RNF135: variants seen among roughly 807,000 people sequenced by gnomAD.
RNF135 encodes the protein ring finger protein 135, also known as E3 ubiquitin-protein ligase RNF135.
A neutral mutation model predicts 41.9 loss-of-function variants in RNF135; 46 were observed. The observed-to-expected ratio is 1.10, with a 90% CI of 0.87 to 1.40. RNF135 has a LOEUF of 1.40. Ranked by LOEUF, RNF135 falls within the 40% of genes most tolerant of loss-of-function variation. The pLI, the probability that RNF135 is intolerant of heterozygous loss-of-function variation, is 0.00. For missense variants in RNF135, 539 were observed against 549.8 expected (o/e 0.98, Z 0.20); for synonymous variants, 238 against 223.8 (o/e 1.06, Z -0.57).
rs1006784908 is a variant in RNF135, at chr17:30,988,081, A to G, written c.654A>G (p.Lys218=). 3 of 1,614,150 alleles carry G rather than the reference A, an allele frequency of 1.9e-6. No homozygotes were observed. The highest frequency in any genetic ancestry group is 2.5e-6 in the Non-Finnish European group (3 of 1,180,000). ...AATTACAAGAAAGCGTCACCTGGAA[A>G]GAGGCTCCTGAAGCACAAATGCAGG... is the stretch of plus-strand genomic sequence containing the variant. The part of the protein sequence containing the change: ...QEKLQESVTW[K]EAPEAQMQGE... Residue 218 remains lysine, a synonymous_variant, in exon 3 of 5, where the codon AAA becomes AAG. Coordinates refer to ENST00000328381, the MANE Select transcript of RNF135 (RefSeq NM_032322.4).
chr17:30,970,850 G>A, upstream of RNF135: 1 of 630,338 alleles, frequency 1.6e-6, no homozygotes, highest in Admixed American at 3.2e-5. Context: ...CCCAGGGCAA[G>A]AGGCCGCCAC....
chr17:30,988,105 G>A lies in RNF135; in HGVS notation c.678G>A (p.Gln226=), dbSNP rs753189553. Residue 226 remains glutamine, a splice_region_variant and synonymous_variant, in exon 3 of 5, where the codon CAG becomes CAA. Coordinates refer to ENST00000328381, the MANE Select transcript of RNF135 (RefSeq NM_032322.4). ...AAGAGGCTCCTGAAGCACAAATGCA[G>A]GGTGAGCTGATCTTATTTATTGGAG... ...TWKEAPEAQM[Q]GELLEAPSSS... is the part of the protein sequence containing the mutation. The A allele has an allele frequency of 3.7e-6, 6 of 1,613,752 alleles. No individual in the cohort carries two copies. The African/African-American group carries it at 8.0e-5, about 22-fold the overall frequency.
At chr17:30,981,878 CTTCTCATACG>C (rs1428223245) in intron 1 of RNF135, among the ~76,000 whole-genome samples, 2 of 152,234 alleles carry the variant, frequency 1.3e-5, no homozygotes, top group African/African-American at 4.8e-5. Context: ...TTCTTGTTCT[CTTCTCATACG>C]TTCTCCAAAA....
intron 1 of RNF135, chr17:30,975,377 G>C: frequency 1.3e-6 from 1 of 756,746 alleles, no homozygotes; most frequent in Non-Finnish European, 2.4e-6. Flanking sequence ...CACACATCTG[G>C]ATTAGAAGAT....
intron 1 of RNF135, among the ~76,000 whole-genome samples, chr17:30,984,183 T>G (rs1027708928): frequency 8.5e-5 from 13 of 152,344 alleles, no homozygotes; most frequent in African/African-American, 3.1e-4. Flanking sequence ...CTTTTTTCTT[T>G]TGTTGCCTGT....
intron 1 of RNF135, among the ~76,000 whole-genome samples, chr17:30,983,442 C>G (rs1907365154): frequency 6.8e-6 from 1 of 146,486 alleles, no homozygotes; most frequent in Admixed American, 7.0e-5. Context: ...CAACCTCCAT[C>G]TCCTGGGTTC....
At chr17:30,997,559 C>A in intron 4 of RNF135, 1 of 608,446 alleles carries the variant, frequency 1.6e-6, no homozygotes, top group Non-Finnish European at 3.2e-6. Context: ...CTGCTGTGGC[C>A]ACCAACTACA....
chr17:30,984,657 T>G lies in RNF135; in HGVS notation c.413T>G (p.Leu138Arg), dbSNP rs1204884039. The change falls in exon 2 of 5, where the codon CTG (leucine) becomes CGG (arginine). Residue 138 changes from leucine to arginine, a missense_variant. Transcript: ENST00000328381. ...AGCATCACAGAAGTTGCTCAGGAGC[T>G]GACAGAGCTGGTGGAACATCTTGTA... ...EKSITEVAQE[L>R]TELVEHLVDI... The G allele has an allele frequency of 6.2e-7, 1 of 1,614,136 alleles. No individual in the cohort carries two copies. Among genetic ancestry groups the G allele is most frequent in the Admixed American group, 1.7e-5 (1 of 60,012 alleles).
At chr17:30,969,690 C>T (rs565161188), upstream of RNF135, among the ~76,000 whole-genome samples, 1 of 152,118 alleles carries the variant, frequency 6.6e-6, no homozygotes, top group South Asian at 2.1e-4. Flanking sequence ...GCGCTGCCTA[C>T]TCCATGACAC....
At chr17:30,987,317 T>C (rs897804974) in intron 2 of RNF135, among the ~76,000 whole-genome samples, 3 of 152,064 alleles carry the variant, frequency 2.0e-5, no homozygotes, top group Non-Finnish European at 4.4e-5. Flanking sequence ...GTACAACCTC[T>C]ACCTCCCGGG....
chr17:30,971,004 G>A, upstream of RNF135: 1 of 1,528,582 alleles, frequency 6.5e-7, no homozygotes, highest in Non-Finnish European at 8.7e-7. Context: ...GAAGAGGAAG[G>A]GCGAGGGAGG....
At position 30,971,370 on chromosome 17, in the gene RNF135, C is replaced by G; in HGVS notation, c.297C>G (p.Ala99=). Reference sequence around the variant, plus strand: ...AGATACAGGCGGGCTCCGACCCTGCCCACTGCCCCTGCCCGGGCTCCAGTT... The same window carrying G: ...AGATACAGGCGGGCTCCGACCCTGCGCACTGCCCCTGCCCGGGCTCCAGTT... ...AREIQAGSDP[A]HCPCPGSSSL... Residue 99 remains alanine, a synonymous_variant, in exon 1 of 5, where the codon GCC becomes GCG. Transcript: ENST00000328381. The G allele has an allele frequency of 6.5e-7, 1 of 1,528,720 alleles. No individual in the cohort carries two copies. Among genetic ancestry groups the G allele is most frequent in the South Asian group, 1.2e-5 (1 of 83,108 alleles). The allele number at this position is 1,528,720 out of a possible 1,614,324, so 94.7% of individuals were successfully genotyped here. A position where few individuals can be genotyped will look rare whatever the true frequency, so the allele number is the denominator to read the frequency against.
chr17:30,988,205 G>A (rs897217545), intron 3 of RNF135, 99 bp downstream of exon 3: 14 of 1,174,024 alleles, frequency 1.2e-5, no homozygotes, highest in African/African-American at 7.6e-5. Context: ...GGATCCCAGA[G>A]TCCAGCTGTA....
chr17:30,974,287 T>C (rs1359699396), intron 1 of RNF135, among the ~76,000 whole-genome samples: 2 of 152,210 alleles, frequency 1.3e-5, no homozygotes, highest in African/African-American at 4.8e-5. Flanking sequence ...TACCACACTA[T>C]TTTGATTACT....
chr17:30,963,466 G>T, the RNF135 span, among the ~76,000 whole-genome samples: 18 of 151,932 alleles, frequency 1.2e-4, no homozygotes, highest in African/African-American at 4.4e-4. Flanking sequence ...CAGCTACTCG[G>T]GAGGCTGAAG....
At chr17:30,992,525 G>A (rs1908055341) in intron 3 of RNF135, among the ~76,000 whole-genome samples, 1 of 152,028 alleles carries the variant, frequency 6.6e-6, no homozygotes, top group Non-Finnish European at 1.5e-5. Context: ...GAGTGCAGTG[G>A]TGCGATCATG....
At chr17:30,971,005 G>T, upstream of RNF135, 3 of 1,528,792 alleles carry the variant, frequency 2.0e-6, no homozygotes, top group Non-Finnish European at 1.7e-6. Context: ...AAGAGGAAGG[G>T]CGAGGGAGGA....
At chr17:30,991,713 C>G (rs1371972642) in intron 3 of RNF135, among the ~76,000 whole-genome samples, 1 of 151,996 alleles carries the variant, frequency 6.6e-6, no homozygotes, top group Non-Finnish European at 1.5e-5. Context: ...CGTGCCCGGC[C>G]TATACTACAC....
the RNF135 span, among the ~76,000 whole-genome samples, chr17:30,962,407 C>T: frequency 6.6e-6 from 1 of 152,136 alleles, no homozygotes; most frequent in Non-Finnish European, 1.5e-5. Flanking sequence ...GCTGGGATTA[C>T]AGGCATGAGC....
Sources: allele counts gnomAD v4.1 joint callset (sites outside exome capture counted in the v4.1 genomes callset), GRCh38; gene constraint gnomAD v4.1.1; transcripts MANE v1.5; gene names NCBI Gene and HGNC (gene_info 2026-07-23, HGNC 2026-07-21).